Variants in ECHDC1 observed in about 807,000 individuals in gnomAD.
The protein encoded by ECHDC1 is ethylmalonyl-CoA decarboxylase.
In ECHDC1, 29 loss-of-function variants were observed where a neutral mutation model predicts 29.7. The observed-to-expected ratio is 0.98, with a 90% CI of 0.73 to 1.33. ECHDC1 has a LOEUF of 1.33. ECHDC1 is among the 40% of genes most tolerant of loss of function. The probability of loss-of-function intolerance (pLI) is 0.00; values close to 1 mark genes in which losing one functional copy is unlikely to be tolerated. For synonymous variants in ECHDC1, 126 were observed against 123.1 expected, an observed-to-expected ratio of 1.02 and a Z score of -0.15; for missense variants, 328 against 350.0, an observed-to-expected ratio of 0.94 and a Z score of 0.50.
intron 5 of ECHDC1, among the ~76,000 whole-genome samples, chr6:127,298,401 A>G (rs1780786590): frequency 6.6e-6 from 1 of 152,130 alleles, no homozygotes; most frequent in Admixed American, 6.5e-5. Context: ...GGTAGTTTTG[A>G]GAGATTTTTC....
intron 1 of ECHDC1, among the ~76,000 whole-genome samples, chr6:127,336,605 A>C (rs1784445923): frequency 6.6e-6 from 1 of 152,214 alleles, no homozygotes; most frequent in Non-Finnish European, 1.5e-5. Flanking sequence ...ACTGGAAAGC[A>C]AAACTTTCCT....
intron 1 of ECHDC1, chr6:127,342,315 T>A (rs1341395039): frequency 6.5e-7 from 1 of 1,532,256 alleles, no homozygotes; most frequent in African/African-American, 1.4e-5. Flanking sequence ...TGGCCACAAA[T>A]CAACTCTCCA....
intron 2 of ECHDC1, among the ~76,000 whole-genome samples, chr6:127,330,129 G>A (rs1765322749): frequency 6.6e-6 from 1 of 152,142 alleles, no homozygotes; most frequent in South Asian, 2.1e-4. Flanking sequence ...TATTCAACAA[G>A]GCTACTCATT....
intron 5 of ECHDC1, among the ~76,000 whole-genome samples, chr6:127,313,862 T>C (rs903207539): frequency 1.6e-4 from 24 of 152,212 alleles, no homozygotes; most frequent in Admixed American, 1.4e-3. Flanking sequence ...GGTTAAACAT[T>C]ATGCTAAAAC....
chr6:127,342,436 A>G (rs1015538957), intron 1 of ECHDC1: 8 of 1,508,916 alleles, frequency 5.3e-6, no homozygotes, highest in Non-Finnish European at 6.2e-6. Context: ...AGCTGATTAT[A>G]CAGTCGCCTT....
At chr6:127,327,784 G>C (rs1783495541) in intron 2 of ECHDC1, among the ~76,000 whole-genome samples, 1 of 152,176 alleles carries the variant, frequency 6.6e-6, no homozygotes, top group Non-Finnish European at 1.5e-5. Context: ...TTGTTACCTT[G>C]ATATTACTCC....
At chr6:127,307,228 A>T (rs1048287871) in intron 5 of ECHDC1, among the ~76,000 whole-genome samples, 16 of 152,246 alleles carry the variant, frequency 1.1e-4, no homozygotes, top group African/African-American at 3.1e-4. Context: ...GAAAAATTTC[A>T]AATAACCTAA....
chr6:127,331,131 T>G, intron 1 of ECHDC1, 101 bp from the exon 2 acceptor site: 3 of 815,498 alleles, frequency 3.7e-6, no homozygotes, highest in Admixed American at 2.9e-5. Context: ...TTCTGTTGAG[T>G]TGGGAATACT....
intron 5 of ECHDC1, among the ~76,000 whole-genome samples, chr6:127,300,834 T>C (rs1243440360): frequency 6.6e-6 from 1 of 152,230 alleles, no homozygotes; most frequent in African/African-American, 2.4e-5. Flanking sequence ...ACTTCAGACC[T>C]ATACATCTGT....
At chr6:127,322,981 T>TA (rs1387580417) in intron 3 of ECHDC1, among the ~76,000 whole-genome samples, 1 of 152,106 alleles carries the variant, frequency 6.6e-6, no homozygotes, top group African/African-American at 2.4e-5. Context: ...CTCCAAAATC[T>TA]AAAACTTTTT....
rs557204677 is a variant in ECHDC1 at position 127,297,640 on chromosome 6, T to TGGTA, written c.498-7367_498-7364dup. Among the ~76,000 whole-genome samples the TGGTA allele has an allele frequency of 7.6e-4, 115 of 152,292 alleles. 1 individual carries two copies. The highest frequency in any genetic ancestry group is 1.5e-3 in the Non-Finnish European group (101 of 68,022). On this transcript the variant is annotated intron_variant, in intron 5 of 5. Transcript: ENST00000454859. Reference sequence around the variant, plus strand: ...TTCCTCCCCTTTTCAGGCATATACATGGTAGGCTCTGTGGGAACCTGCAAA... The same window carrying TGGTA: ...TTCCTCCCCTTTTCAGGCATATACATGGTAGGTAGGCTCTGTGGGAACCTGCAAA...
chr6:127,306,919 AT>A (rs776992859), intron 5 of ECHDC1, among the ~76,000 whole-genome samples: 26 of 152,262 alleles, frequency 1.7e-4, no homozygotes, highest in Non-Finnish European at 1.9e-4. Flanking sequence ...AGTAGACCAT[AT>A]GTTTGGTCAA....
intron 5 of ECHDC1, among the ~76,000 whole-genome samples, chr6:127,297,816 T>G (rs1297523628): frequency 3.3e-5 from 5 of 152,182 alleles, no homozygotes; most frequent in Non-Finnish European, 7.3e-5. Context: ...TTATAAAAGC[T>G]TTTGGATTCA....
At chr6:127,311,321 A>G (rs113105275) in intron 5 of ECHDC1, among the ~76,000 whole-genome samples, 1,639 of 152,326 alleles carry the variant, frequency 0.011, 33 homozygotes, top group African/African-American at 0.038. Flanking sequence ...ACTTTGAACA[A>G]GGCAGCCAAG....
At chr6:127,314,391 A>G (rs1034275424) in intron 5 of ECHDC1, among the ~76,000 whole-genome samples, 2 of 152,160 alleles carry the variant, frequency 1.3e-5, no homozygotes, top group African/African-American at 4.8e-5. Context: ...AGCAAAAAGA[A>G]GACAAAGGGA....
chr6:127,329,770 A>T, intron 2 of ECHDC1: 1 of 325,630 alleles, frequency 3.1e-6, no homozygotes, highest in Admixed American at 4.2e-5. Context: ...CCTTTTTTAA[A>T]TTTTTTTAAA....
intron 4 of ECHDC1, chr6:127,315,112 G>A (rs1170968018): frequency 7.4e-6 from 5 of 676,966 alleles, no homozygotes; most frequent in Admixed American, 4.1e-5. Context: ...CACAATAAAT[G>A]CCACATAAGT....
At chr6:127,313,029 A>G (rs1368276309) in intron 5 of ECHDC1, 2 of 152,318 alleles carry the variant, frequency 1.3e-5, no homozygotes, top group East Asian at 3.9e-4. Context: ...AAATAGAGAT[A>G]TGAACTGACT....
chr6:127,325,766 A>G (rs886739095), intron 3 of ECHDC1, among the ~76,000 whole-genome samples: 4 of 151,984 alleles, frequency 2.6e-5, no homozygotes, highest in Admixed American at 2.6e-4. Context: ...AGTGACACCA[A>G]CATGGCTCAA....
Sources: gnomAD v4.1 joint callset for allele counts (sites outside exome capture counted in the v4.1 genomes callset) on GRCh38, gnomAD v4.1.1 for gene constraint, MANE v1.5 for transcripts, NCBI Gene and HGNC (gene_info 2026-07-23, HGNC 2026-07-21) for gene names.